Variants in STAT3 observed in about 807,000 individuals in gnomAD.
The protein encoded by STAT3 is signal transducer and activator of transcription 3.
Under a neutral mutation model 114.3 loss-of-function variants are expected in STAT3, and 7 were observed. That is an observed-to-expected ratio of 0.06 (90% CI 0.03 to 0.11). The LOEUF is 0.11. Among genes scored for constraint, STAT3 ranks in the 10% least tolerant of loss-of-function variants. The pLI, the probability that STAT3 is intolerant of heterozygous loss-of-function variation, is 1.00. For missense variants in STAT3, 364 were observed against 960.9 expected, an observed-to-expected ratio of 0.38 and a Z score of 8.21; for synonymous variants, 331 against 354.5, an observed-to-expected ratio of 0.93 and a Z score of 0.74.
At chr17:42,383,462 C>G (rs2145391798) in intron 1 of STAT3, among the ~76,000 whole-genome samples, 1 of 152,048 alleles carries the variant, frequency 6.6e-6, no homozygotes, top group South Asian at 2.1e-4. Context: ...CTCGGCCTTC[C>G]AAAGTGCTGG....
intron 4 of STAT3, among the ~76,000 whole-genome samples, chr17:42,342,418 G>A (rs1174503138): frequency 6.6e-6 from 1 of 152,040 alleles, no homozygotes; most frequent in Non-Finnish European, 1.5e-5. Context: ...GAGAGGCAGA[G>A]GTTGCAGTGG....
At position 42,314,213 on chromosome 17, in the gene STAT3, C is replaced by T; in HGVS notation, c.*1532G>A. ...CATACGAGGGCAGACTCAAGTTTAT[C>T]AGTAAGCCTTTGCCCTGCATGAACT... On this transcript the variant is annotated 3_prime_UTR_variant, in exon 24 of 24. Coordinates refer to ENST00000264657, the MANE Select transcript of STAT3 (RefSeq NM_139276.3). 1 of 232,914 alleles carries T rather than the reference C, an allele frequency of 4.3e-6. No individual in the cohort carries two copies. The highest frequency in any genetic ancestry group is 8.5e-6 in the Non-Finnish European group (1 of 117,470). The allele number at this position is 232,914 out of a possible 1,614,324, so 14.4% of individuals were successfully genotyped here.
chr17:42,347,430 T>C (rs1325079652), intron 2 of STAT3, among the ~76,000 whole-genome samples: 1 of 152,204 alleles, frequency 6.6e-6, no homozygotes, highest in African/African-American at 2.4e-5. Flanking sequence ...GTATGCATTC[T>C]GGAAAAACCA....
At position 42,324,956 on chromosome 17, in the gene STAT3, C is replaced by A. The variant is rs1443876708; in HGVS notation, c.1464+7G>T. The A allele has an allele frequency of 1.2e-6, 2 of 1,614,024 alleles. No individual in the cohort carries two copies. The highest frequency in any genetic ancestry group is 1.7e-6 in the Non-Finnish European group (2 of 1,180,036). On this transcript the variant is annotated splice_region_variant and intron_variant, in intron 16 of 23. Transcript: ENST00000264657. This position sits in a 1 kb window ranked among gnomAD's most constrained non-coding sequence, Gnocchi z 4.5. ...CGGGGCACCAACTAAAAGGAGGGGG[C>A]ACTAACCTTGGGATTGTTGGTCAGC...
intron 1 of STAT3, among the ~76,000 whole-genome samples, chr17:42,378,620 CAAATGCAAAACTG>C (rs2084605942): frequency 6.6e-6 from 1 of 152,092 alleles, no homozygotes. Context: ...AAAAGAGGCC[CAAATGCAAAACTG>C]ATTTGTCGAG....
intron 1 of STAT3, among the ~76,000 whole-genome samples, chr17:42,367,194 G>A (rs888196897): frequency 4.0e-5 from 6 of 151,026 alleles, no homozygotes; most frequent in Non-Finnish European, 5.9e-5. Context: ...ACAGAAATTC[G>A]CCGGCATGGT....
chr17:42,326,860 C>G (rs1327394948), intron 14 of STAT3, among the ~76,000 whole-genome samples: 1 of 152,090 alleles, frequency 6.6e-6, no homozygotes. Flanking sequence ...GGACACTTTT[C>G]CTCAGAGAGA....
chr17:42,363,844 T>C (rs1266784551), intron 1 of STAT3, among the ~76,000 whole-genome samples: 2 of 152,240 alleles, frequency 1.3e-5, no homozygotes, highest in East Asian at 3.9e-4. Flanking sequence ...TTCATATTTG[T>C]TCTTGCCTAA....
At chr17:42,356,025 T>G (rs1724733854) in intron 1 of STAT3, among the ~76,000 whole-genome samples, 2 of 152,162 alleles carry the variant, frequency 1.3e-5, no homozygotes, top group Non-Finnish European at 1.5e-5. Context: ...ATACTTTTAT[T>G]ATAAATACAT....
chr17:42,382,914 A>G (rs1447008276), intron 1 of STAT3, among the ~76,000 whole-genome samples: 1 of 152,150 alleles, frequency 6.6e-6, no homozygotes, highest in Non-Finnish European at 1.5e-5. Flanking sequence ...AAGTGCTGGA[A>G]TTACAGGCAT....
chr17:42,364,432 G>A (rs1219659651), intron 1 of STAT3, among the ~76,000 whole-genome samples: 3 of 152,252 alleles, frequency 2.0e-5, no homozygotes, highest in Admixed American at 1.3e-4. Flanking sequence ...GGAGAAGAGC[G>A]AGTAGCTGGA....
intron 1 of STAT3, among the ~76,000 whole-genome samples, chr17:42,353,335 G>A (rs1373551902): frequency 7.7e-6 from 1 of 129,976 alleles, no homozygotes; most frequent in Non-Finnish European, 1.5e-5. Context: ...GCAACAGAGT[G>A]AGACTGCATA....
chr17:42,369,114 C>A (rs948403263), intron 1 of STAT3, among the ~76,000 whole-genome samples: 1 of 152,130 alleles, frequency 6.6e-6, no homozygotes, highest in African/African-American at 2.4e-5. Context: ...AATCCCGGCA[C>A]TTTGGGAGGC....
At chr17:42,371,826 C>T (rs908321037) in intron 1 of STAT3, among the ~76,000 whole-genome samples, 4 of 149,510 alleles carry the variant, frequency 2.7e-5, no homozygotes, top group African/African-American at 9.9e-5. Flanking sequence ...TACTAAAATA[C>T]AAAAAAATTA....
At chr17:42,341,594 C>T (rs2082446281) in intron 4 of STAT3, among the ~76,000 whole-genome samples, 3 of 152,174 alleles carry the variant, frequency 2.0e-5, no homozygotes, top group Non-Finnish European at 2.9e-5. Flanking sequence ...GGATTACATC[C>T]ACTCTTCTAT....
intron 1 of STAT3, among the ~76,000 whole-genome samples, chr17:42,354,172 CTTT>C (rs1212253278): frequency 9.2e-6 from 1 of 108,676 alleles, no homozygotes. Flanking sequence ...TAATTGTGTT[CTTT>C]TTTTTTTTTT....
At chr17:42,378,708 G>A (rs1185320452) in intron 1 of STAT3, among the ~76,000 whole-genome samples, 4 of 152,142 alleles carry the variant, frequency 2.6e-5, no homozygotes, top group Admixed American at 2.6e-4. Flanking sequence ...TTCAAAGGCC[G>A]ACTATTTCAA....
In STAT3 at chr17:42,322,375, G is replaced by A. The variant is rs2144679986; in HGVS notation, c.2008C>T (p.Leu670=). The change falls in exon 21 of 24, where the codon CTG becomes TTG. Residue 670 remains leucine, a synonymous_variant. Coordinates refer to ENST00000264657, the MANE Select transcript of STAT3 (RefSeq NM_139276.3). ...MDATNILVSP[L]VYLYPDIPKE... is the part of the protein sequence containing the mutation. ...GGAATGTCAGGATAGAGATAGACCA[G>A]TGGAGACACCAGGATATTGGTAGCA... 6.2e-7 allele frequency: 1 copy of A among 1,614,212 alleles called. No homozygotes were observed. The highest frequency in any genetic ancestry group is 8.5e-7 in the Non-Finnish European group (1 of 1,180,046).
chr17:42,371,676 CAA>C (rs71359559), intron 1 of STAT3, among the ~76,000 whole-genome samples: 25 of 90,946 alleles, frequency 2.7e-4, no homozygotes, highest in Admixed American at 6.5e-4. Context: ...AACTCTGTCT[CAA>C]AAAAAAAAAA....
Sources: gnomAD v4.1 joint callset for allele counts (sites outside exome capture counted in the v4.1 genomes callset) on GRCh38, gnomAD v4.1.1 for gene constraint, Gnocchi (gnomAD v3.1) non-coding constraint, MANE v1.5 for transcripts, NCBI Gene and HGNC (gene_info 2026-07-23, HGNC 2026-07-21) for gene names.